Variants in NSRP1 observed in about 807,000 individuals in gnomAD.
The protein encoded by NSRP1 is nuclear speckle splicing regulatory protein 1.
NSRP1 carries 24 observed loss-of-function variants against 54.7 expected under a neutral mutation model. The ratio of observed to expected loss-of-function variants is 0.44; its 90% CI spans 0.32 to 0.62. The LOEUF (loss-of-function observed/expected upper bound fraction) is 0.62, where lower values mean the gene tolerates loss of function less well. NSRP1 is among the 20% of genes least tolerant of loss of function. NSRP1 has a pLI of 0.06. For synonymous variants in NSRP1, 210 were observed against 213.8 expected (o/e 0.98, Z 0.15); for missense variants, 596 against 651.2 (o/e 0.92, Z 0.92).
intron 2 of NSRP1, among the ~76,000 whole-genome samples, chr17:30,155,947 C>G (rs553468998): frequency 6.6e-5 from 10 of 152,104 alleles, no homozygotes; most frequent in Admixed American, 2.6e-4. Flanking sequence ...TCAAGCAGTT[C>G]TCGTGCCTCA....
intron 3 of NSRP1, 136 bp downstream of exon 3, chr17:30,172,734 T>C (rs1904997828): frequency 1.7e-6 from 1 of 597,716 alleles, no homozygotes; most frequent in Non-Finnish European, 2.9e-6. Flanking sequence ...TAGCTCCTTA[T>C]TGCTGTGCTA....
chr17:30,184,081 A>G (rs1394317850), intron 6 of NSRP1, among the ~76,000 whole-genome samples: 2 of 152,202 alleles, frequency 1.3e-5, no homozygotes, highest in Admixed American at 1.3e-4. Context: ...GCAGGCCTGT[A>G]ATCCCAACTA....
chr17:30,172,632 G>A, intron 3 of NSRP1, 34 bp downstream of exon 3: 2 of 1,549,918 alleles, frequency 1.3e-6, no homozygotes, highest in Non-Finnish European at 1.8e-6. Context: ...TGCATTCAGT[G>A]AAGCATTCCG....
intron 3 of NSRP1, among the ~76,000 whole-genome samples, chr17:30,173,019 C>T (rs540614573): frequency 2.6e-5 from 4 of 151,142 alleles, no homozygotes; most frequent in East Asian, 1.9e-4. Flanking sequence ...GCTGGAGTGC[C>T]GTGGTGCACT....
At chr17:30,142,233 T>A (rs1238594927) in intron 2 of NSRP1, among the ~76,000 whole-genome samples, 1 of 152,254 alleles carries the variant, frequency 6.6e-6, no homozygotes, top group Admixed American at 6.5e-5. Context: ...TATAGTATTT[T>A]AAATATCTCT....
chr17:30,178,607 T>G (rs532501689), intron 4 of NSRP1, among the ~76,000 whole-genome samples: 1 of 152,268 alleles, frequency 6.6e-6, no homozygotes, highest in South Asian at 2.1e-4. Context: ...GAAAAAAATT[T>G]GGGAGGGGTA....
At position 30,118,062 on chromosome 17, in the gene NSRP1, C is replaced by G; in HGVS notation, c.21-18C>G. The G allele has an allele frequency of 6.3e-7, 1 of 1,589,044 alleles. No individual in the cohort carries two copies. Among genetic ancestry groups the G allele is most frequent in the Non-Finnish European group, 8.6e-7 (1 of 1,162,164 alleles). ...AAACATAAAGGTTTAATTTCTATTT[C>G]AAAAAAAATATATGCAGGTATGGGC... On this transcript the variant is annotated intron_variant, in intron 1 of 6. Coordinates refer to ENST00000247026, the MANE Select transcript of NSRP1 (RefSeq NM_032141.4).
At chr17:30,137,220 A>G (rs2071758291) in intron 2 of NSRP1, among the ~76,000 whole-genome samples, 1 of 152,146 alleles carries the variant, frequency 6.6e-6, no homozygotes, top group African/African-American at 2.4e-5. Context: ...GTTTCTCCGT[A>G]TTGTAGATTT....
chr17:30,117,001 C>A, intron 1 of NSRP1, 138 bp downstream of exon 1: 1 of 1,117,056 alleles, frequency 9.0e-7, no homozygotes, highest in Non-Finnish European at 1.3e-6. Context: ...ACGAGAAGTC[C>A]TGAGGAACAT....
chr17:30,152,690 C>G (rs1431686061), intron 2 of NSRP1, among the ~76,000 whole-genome samples: 1 of 151,690 alleles, frequency 6.6e-6, no homozygotes. Flanking sequence ...TTTGAATTGT[C>G]TTGGTGTTGC....
intron 2 of NSRP1, among the ~76,000 whole-genome samples, chr17:30,148,013 A>G (rs60685195): frequency 0.022 from 3,308 of 151,132 alleles, 93 homozygotes; most frequent in African/African-American, 0.072. Context: ...GGGTTTCCCC[A>G]TGTTGGCCAG....
At chr17:30,145,093 A>G (rs2071841562) in intron 2 of NSRP1, among the ~76,000 whole-genome samples, 1 of 152,232 alleles carries the variant, frequency 6.6e-6, no homozygotes, top group Non-Finnish European at 1.5e-5. Context: ...TTTTAACTAC[A>G]GCATATACGT....
chr17:30,164,371 G>A (rs932418475), intron 2 of NSRP1, among the ~76,000 whole-genome samples: 2 of 152,196 alleles, frequency 1.3e-5, no homozygotes, highest in South Asian at 2.1e-4. Context: ...TGTGTTTTTT[G>A]TACTTTTAGA....
At position 30,178,267 on chromosome 17, in the gene NSRP1, A is replaced by T. The variant is rs533847215; in HGVS notation, c.300+68A>T. ...CATTTTGTGTCTTAATCTTATTTTA[A>T]CATGAGAATGATCTGAGAAAAAGCT... On this transcript the variant is annotated intron_variant, in intron 4 of 6. Coordinates refer to ENST00000247026, the MANE Select transcript of NSRP1 (RefSeq NM_032141.4). The T allele has an allele frequency of 6.5e-4, 993 of 1,528,274 alleles. 4 individuals carry two copies. The highest frequency in any genetic ancestry group is 4.9e-4 in the Non-Finnish European group (561 of 1,138,500). 94.7% of individuals were successfully genotyped at this position (1,528,274 alleles called of 1,614,324 possible). A position where few individuals can be genotyped will look rare whatever the true frequency, so the allele number is the denominator to read the frequency against.
At chr17:30,177,052 G>C (rs1352043966) in intron 3 of NSRP1, among the ~76,000 whole-genome samples, 1 of 152,012 alleles carries the variant, frequency 6.6e-6, no homozygotes, top group East Asian at 1.9e-4. Flanking sequence ...GGGGCAAAAG[G>C]CTAAGATTTG....
chr17:30,125,493 A>G (rs1309843930), intron 2 of NSRP1, among the ~76,000 whole-genome samples: 1 of 152,314 alleles, frequency 6.6e-6, no homozygotes, highest in East Asian at 1.9e-4. Flanking sequence ...GCTTGCATCC[A>G]GGGTTAGTTT....
chr17:30,170,869 G>C (rs1340926414), intron 2 of NSRP1, among the ~76,000 whole-genome samples: 1 of 152,050 alleles, frequency 6.6e-6, no homozygotes, highest in Non-Finnish European at 1.5e-5. Flanking sequence ...TTTCCATATT[G>C]ACTGTACCAG....
intron 2 of NSRP1, among the ~76,000 whole-genome samples, chr17:30,130,856 T>C (rs9903746): frequency 0.011 from 1,731 of 152,332 alleles, 37 homozygotes; most frequent in African/African-American, 0.04. Context: ...GGTTATCATT[T>C]TGGAGGATCA....
chr17:30,155,639 G>T (rs972324134), intron 2 of NSRP1, among the ~76,000 whole-genome samples: 1 of 152,000 alleles, frequency 6.6e-6, no homozygotes, highest in East Asian at 1.9e-4. Context: ...AAACTGCTGG[G>T]CTCAAGTGAT....
Sources: gnomAD v4.1 joint callset for allele counts (sites outside exome capture counted in the v4.1 genomes callset) on GRCh38, gnomAD v4.1.1 for gene constraint, MANE v1.5 for transcripts, NCBI Gene and HGNC (gene_info 2026-07-23, HGNC 2026-07-21) for gene names.